TMEM132D: variants seen among roughly 807,000 people sequenced by gnomAD.
TMEM132D encodes the protein mature OL transmembrane protein.
TMEM132D carries 21 observed loss-of-function variants against 62.3 expected under a neutral mutation model. The observed-to-expected ratio is 0.34, with a 90% CI of 0.24 to 0.49. The LOEUF (loss-of-function observed/expected upper bound fraction) is 0.49. TMEM132D is among the 20% of genes least tolerant of loss of function. The pLI is 0.99. For synonymous variants in TMEM132D, 621 were observed against 575.6 expected, an observed-to-expected ratio of 1.08 and a Z score of -1.13; for missense variants, 1,346 against 1,402.8, an observed-to-expected ratio of 0.96 and a Z score of 0.65.
intron 5 of TMEM132D, among the ~76,000 whole-genome samples, chr12:129,157,218 C>T (rs1231785624): frequency 6.6e-6 from 1 of 152,262 alleles, no homozygotes; most frequent in Non-Finnish European, 1.5e-5. Flanking sequence ...CTAACCCATT[C>T]TGGAGATAAT....
At chr12:129,372,947 T>C (rs1238084361) in intron 3 of TMEM132D, among the ~76,000 whole-genome samples, 1 of 152,300 alleles carries the variant, frequency 6.6e-6, no homozygotes. Context: ...AACTGGTTCC[T>C]GGTGCGGTTC....
intron 2 of TMEM132D, among the ~76,000 whole-genome samples, chr12:129,589,801 C>G (rs1210801434): frequency 1.3e-5 from 2 of 152,126 alleles, no homozygotes; most frequent in Non-Finnish European, 2.9e-5. Context: ...TCTGTTCTTA[C>G]CAGTAGGATT....
At chr12:129,602,517 G>A (rs1281927675) in intron 2 of TMEM132D, among the ~76,000 whole-genome samples, 1 of 152,120 alleles carries the variant, frequency 6.6e-6, no homozygotes, top group East Asian at 1.9e-4. Flanking sequence ...AAGATGAACT[G>A]AAGATAGTAG....
At chr12:129,218,177 C>T (rs1352654302) in intron 4 of TMEM132D, among the ~76,000 whole-genome samples, 10 of 152,158 alleles carry the variant, frequency 6.6e-5, no homozygotes, top group Admixed American at 5.2e-4. Context: ...TTTTGTCCAG[C>T]TTTTAAATTC....
At chr12:129,702,762 A>C (rs1440285934) in intron 1 of TMEM132D, among the ~76,000 whole-genome samples, 1 of 152,272 alleles carries the variant, frequency 6.6e-6, no homozygotes, top group Non-Finnish European at 1.5e-5. Context: ...TCTTTAAGAG[A>C]GTGCCTGGTA....
chr12:129,333,387 G>A (rs548260970), intron 4 of TMEM132D, among the ~76,000 whole-genome samples: 3 of 152,304 alleles, frequency 2.0e-5, no homozygotes, highest in Admixed American at 6.5e-5. Context: ...ATTTTTGTAC[G>A]AAAATATAAA....
At chr12:129,596,258 C>A (rs1878333580) in intron 2 of TMEM132D, among the ~76,000 whole-genome samples, 1 of 152,094 alleles carries the variant, frequency 6.6e-6, no homozygotes, top group Non-Finnish European at 1.5e-5. Flanking sequence ...TTCTGTAGGG[C>A]ATGGGACACT....
chr12:129,323,087 T>C (rs980060363), intron 4 of TMEM132D, among the ~76,000 whole-genome samples: 1 of 152,206 alleles, frequency 6.6e-6, no homozygotes, highest in Non-Finnish European at 1.5e-5. Flanking sequence ...AAATAAGTTC[T>C]GTAAAAAGTC....
At chr12:129,619,120 C>T (rs1046153616) in intron 2 of TMEM132D, among the ~76,000 whole-genome samples, 2 of 152,132 alleles carry the variant, frequency 1.3e-5, no homozygotes, top group Non-Finnish European at 2.9e-5. Flanking sequence ...GACTTAAGGT[C>T]AGAGTTGAGG....
At chr12:129,254,390 C>A (rs938563717) in intron 4 of TMEM132D, among the ~76,000 whole-genome samples, 2 of 152,180 alleles carry the variant, frequency 1.3e-5, no homozygotes, top group Admixed American at 1.3e-4. Flanking sequence ...GGTGTCTGTG[C>A]TTCTTAGCGT....
intron 1 of TMEM132D, among the ~76,000 whole-genome samples, chr12:129,767,945 G>A (rs927209928): frequency 6.6e-6 from 1 of 151,498 alleles, no homozygotes; most frequent in Non-Finnish European, 1.5e-5. Context: ...TCACATGGCA[G>A]CAGACAAGTG....
At chr12:129,678,023 G>A (rs549319229) in intron 2 of TMEM132D, among the ~76,000 whole-genome samples, 2 of 152,200 alleles carry the variant, frequency 1.3e-5, no homozygotes, top group South Asian at 4.1e-4. Context: ...TCACAAACAT[G>A]TAAGAATTCT....
chr12:129,458,398 G>GT (rs66630267), intron 3 of TMEM132D, among the ~76,000 whole-genome samples: 90,209 of 146,518 alleles, frequency 0.62, 27,729 homozygotes, highest in Middle Eastern at 0.71. Flanking sequence ...GTGGGCAGAG[G>GT]TTTTTTTTTT....
At chr12:129,290,699 T>G (rs10083140) in intron 4 of TMEM132D, among the ~76,000 whole-genome samples, 1 of 152,206 alleles carries the variant, frequency 6.6e-6, no homozygotes, top group East Asian at 1.9e-4. Context: ...GTAGCCTTAT[T>G]TGCAATATTT....
chr12:129,698,011 G>A (rs941330432), intron 2 of TMEM132D, among the ~76,000 whole-genome samples: 18 of 152,226 alleles, frequency 1.2e-4, no homozygotes, highest in African/African-American at 2.6e-4. Flanking sequence ...CAAGTCAGTC[G>A]TTGGCGGACC....
chr12:129,517,783 T>C (rs1875726476), intron 3 of TMEM132D, among the ~76,000 whole-genome samples: 1 of 152,124 alleles, frequency 6.6e-6, no homozygotes, highest in Non-Finnish European at 1.5e-5. Flanking sequence ...AGTTTGGAGG[T>C]AGTTTTCTAT....
At chr12:129,215,533 A>G (rs1879176289) in intron 4 of TMEM132D, among the ~76,000 whole-genome samples, 1 of 152,234 alleles carries the variant, frequency 6.6e-6, no homozygotes, top group South Asian at 2.1e-4. Context: ...AACTAAGCAG[A>G]TTCTGAAAGA....
At chr12:129,090,632 C>G (rs1309453291) in intron 5 of TMEM132D, among the ~76,000 whole-genome samples, 2 of 151,576 alleles carry the variant, frequency 1.3e-5, no homozygotes, top group African/African-American at 2.4e-5. Flanking sequence ...TGTGCCACTG[C>G]ACTCCAGCCT....
At chr12:129,766,125 G>A (rs1478452823) in intron 1 of TMEM132D, among the ~76,000 whole-genome samples, 2 of 152,142 alleles carry the variant, frequency 1.3e-5, no homozygotes, top group African/African-American at 4.8e-5. Context: ...GTCCAGGAAA[G>A]TTGAAATGGG....
Sources: gnomAD v4.1 joint callset for allele counts (sites outside exome capture counted in the v4.1 genomes callset) on GRCh38, gnomAD v4.1.1 for gene constraint, MANE v1.5 for transcripts, NCBI Gene and HGNC (gene_info 2026-07-23, HGNC 2026-07-21) for gene names.